Variants in CMPK1 observed in about 807,000 individuals in gnomAD.
CMPK1 encodes the protein cytidine/uridine monophosphate kinase 1, also known as UMP-CMP kinase.
CMPK1 carries 10 observed loss-of-function variants against 25.7 expected under a neutral mutation model. The observed-to-expected ratio is 0.39, with a 90% CI of 0.24 to 0.66. The LOEUF (loss-of-function observed/expected upper bound fraction) is 0.66, where lower values mean the gene tolerates loss of function less well. Among genes scored for constraint, CMPK1 ranks in the 30% least tolerant of loss-of-function variants. CMPK1 has a pLI of 0.48. For missense variants in CMPK1, 199 were observed against 280.5 expected, an observed-to-expected ratio of 0.71 and a Z score of 2.08; for synonymous variants, 106 against 101.5, an observed-to-expected ratio of 1.04 and a Z score of -0.27.
At chr1:47,343,625 G>T (rs1234434212) in intron 1 of CMPK1, among the ~76,000 whole-genome samples, 1 of 151,980 alleles carries the variant, frequency 6.6e-6, no homozygotes, top group Non-Finnish European at 1.5e-5. Context: ...GTCAGAAGAC[G>T]CAGATTGGCC....
intron 1 of CMPK1, among the ~76,000 whole-genome samples, chr1:47,349,787 T>G (rs1282024299): frequency 6.6e-6 from 1 of 152,172 alleles, no homozygotes; most frequent in Non-Finnish European, 1.5e-5. Flanking sequence ...AGACAGGGTC[T>G]TGTTCTGTTG....
At chr1:47,372,918 A>G in intron 2 of CMPK1, 37 bp from the exon 3 acceptor site, 9 of 1,552,864 alleles carry the variant, frequency 5.8e-6, no homozygotes, top group Non-Finnish European at 7.8e-6. Context: ...TCATTTTGTT[A>G]ATGTTGTATT....
At chr1:47,336,822 G>C (rs779469326) in intron 1 of CMPK1, among the ~76,000 whole-genome samples, 21 of 152,182 alleles carry the variant, frequency 1.4e-4, no homozygotes, top group Non-Finnish European at 2.9e-4. Context: ...CGCCATGCCT[G>C]GCCTGGTTAT....
chr1:47,350,944 T>A (rs1197115892), intron 1 of CMPK1, among the ~76,000 whole-genome samples: 1 of 151,386 alleles, frequency 6.6e-6, no homozygotes, highest in Non-Finnish European at 1.5e-5. Context: ...AAAATACAGA[T>A]CCCCCACCCT....
In CMPK1 at chr1:47,376,805, ATGACCCCTTTTT is replaced by A; in HGVS notation, c.*61_*72del. The A allele has an allele frequency of 1.1e-6, 1 of 944,908 alleles. No homozygotes were observed. The highest frequency in any genetic ancestry group is 1.7e-6 in the Non-Finnish European group (1 of 596,022). The allele number at this position is 944,908 out of a possible 1,614,324, so 58.5% of individuals were successfully genotyped here. On this transcript the variant is annotated 3_prime_UTR_variant, in exon 6 of 6. Coordinates refer to ENST00000371873, the MANE Select transcript of CMPK1 (RefSeq NM_016308.3). ...GAATATTGCTTTGATAGCTGCTATCATGACCCCTTTTTAAGGCAATTCTAATCTTTCATAACT... is the reference window on the plus strand; with the variant it reads ...GAATATTGCTTTGATAGCTGCTATCAAAGGCAATTCTAATCTTTCATAACT...
At chr1:47,369,625 G>T (rs4926840) in intron 2 of CMPK1, among the ~76,000 whole-genome samples, 102,390 of 151,136 alleles carry the variant, frequency 0.68, 35,180 homozygotes, top group East Asian at 0.95. Flanking sequence ...GTAGTGGCGC[G>T]ATCTCGGCTC....
intron 1 of CMPK1, among the ~76,000 whole-genome samples, chr1:47,364,319 T>C (rs1032606816): frequency 2.8e-4 from 43 of 151,626 alleles, no homozygotes; most frequent in African/African-American, 8.9e-4. Context: ...TTTGGTTTGG[T>C]TTTTTTGTTT....
chr1:47,370,256 T>C (rs1646669400), intron 2 of CMPK1, among the ~76,000 whole-genome samples: 1 of 151,794 alleles, frequency 6.6e-6, no homozygotes, highest in South Asian at 2.1e-4. Flanking sequence ...TCATCATTGA[T>C]GTTCGCTCAG....
intron 1 of CMPK1, among the ~76,000 whole-genome samples, chr1:47,357,241 A>G (rs7534328): frequency 0.27 from 40,673 of 152,036 alleles, 5,710 homozygotes; most frequent in Non-Finnish European, 0.31. Context: ...TGCTGAGATT[A>G]CAGGCGTGAG....
At chr1:47,352,528 T>TGG (rs113139935) in intron 1 of CMPK1, among the ~76,000 whole-genome samples, 4 of 151,086 alleles carry the variant, frequency 2.6e-5, no homozygotes, top group East Asian at 2.0e-4. Flanking sequence ...TGGGGAGGGA[T>TGG]AGGGGGTCAC....
chr1:47,361,288 C>T (rs1051423786), intron 1 of CMPK1, among the ~76,000 whole-genome samples: 1 of 152,180 alleles, frequency 6.6e-6, no homozygotes, highest in African/African-American at 2.4e-5. Flanking sequence ...ACTCTGGAGG[C>T]TGAGACAGGA....
Position 47,377,540 on chromosome 1 carries a change from A to G in CMPK1, c.*795A>G, listed in dbSNP as rs985227894. The G allele has an allele frequency of 6.6e-6, 1 of 152,398 alleles. No individual in the cohort carries two copies. The highest frequency in any genetic ancestry group is 1.5e-5 in the Non-Finnish European group (1 of 68,026). The allele number at this position is 152,398 out of a possible 1,614,324, so 9.4% of individuals were successfully genotyped here. On this transcript the variant is annotated 3_prime_UTR_variant, in exon 6 of 6. Coordinates refer to ENST00000371873, the MANE Select transcript of CMPK1 (RefSeq NM_016308.3). ...TCGTAGCAGTGGAACCTTGAAATGC[A>G]TGTGGCTAGATTTATGCTAAAATGA...
At chr1:47,339,131 C>T (rs554389000) in intron 1 of CMPK1, among the ~76,000 whole-genome samples, 2 of 151,654 alleles carry the variant, frequency 1.3e-5, no homozygotes, top group South Asian at 2.1e-4. Flanking sequence ...CTGCAACCTC[C>T]GCCTCCTGGG....
intron 1 of CMPK1, 79 bp downstream of exon 1, chr1:47,334,195 C>A: frequency 2.5e-6 from 3 of 1,196,826 alleles, no homozygotes; most frequent in Non-Finnish European, 3.2e-6. Flanking sequence ...CTAGTCCGCG[C>A]CCCGCGGAGT....
intron 1 of CMPK1, among the ~76,000 whole-genome samples, chr1:47,359,153 C>A (rs1246683382): frequency 6.6e-6 from 1 of 151,804 alleles, no homozygotes; most frequent in Non-Finnish European, 1.5e-5. Context: ...CCTGCCTGTA[C>A]TAAAAATACA....
At chr1:47,375,679 A>C (rs1473551669) in intron 5 of CMPK1, among the ~76,000 whole-genome samples, 2 of 152,246 alleles carry the variant, frequency 1.3e-5, no homozygotes, top group African/African-American at 2.4e-5. Flanking sequence ...GAGTTGGATC[A>C]CATGAATGGC....
rs2149336033 is a variant in CMPK1, at chr1:47,377,453, G to C, written c.*708G>C. 1 of 152,214 alleles carries C rather than the reference G, an allele frequency of 6.6e-6. No individual in the cohort carries two copies. The highest frequency in any genetic ancestry group is 2.4e-5 in the African/African-American group (1 of 41,522). 9.4% of individuals were successfully genotyped at this position (152,214 alleles called of 1,614,324 possible). A position where few individuals can be genotyped will look rare whatever the true frequency, so the allele number is the denominator to read the frequency against. On this transcript the variant is annotated 3_prime_UTR_variant, in exon 6 of 6. Transcript: ENST00000371873. Reference sequence around the variant, plus strand: ...GTATGGGGCAAGGATCACATCTAATGCTTGTGTTCCTTATACTCTATTATA... The same window carrying C: ...GTATGGGGCAAGGATCACATCTAATCCTTGTGTTCCTTATACTCTATTATA...
chr1:47,333,936 G>C lies in CMPK1; in HGVS notation c.-10G>C, dbSNP rs66904716. On this transcript the variant is annotated 5_prime_UTR_variant, in exon 1 of 6. Transcript: ENST00000371873. ...GTCAGCTCCCTCAGCGTCCGGCCGA[G>C]GCGCGGTGTATGCTGAGCCGCTGCC... 6.9e-3 allele frequency: 9,428 copies of C among 1,374,822 alleles called. 50 individuals are homozygous for C. Among genetic ancestry groups the C allele is most frequent in the East Asian group, 0.028 (897 of 32,504 alleles). The allele number at this position is 1,374,822 out of a possible 1,614,324, so 85.2% of individuals were successfully genotyped here. A position where few individuals can be genotyped will look rare whatever the true frequency, so the allele number is the denominator to read the frequency against.
chr1:47,374,225 T>A (rs1427958185), intron 3 of CMPK1, among the ~76,000 whole-genome samples: 3 of 152,142 alleles, frequency 2.0e-5, no homozygotes, highest in African/African-American at 7.2e-5. Context: ...CCTAGTTAAT[T>A]TTTGTATTTT....
Sources: allele counts gnomAD v4.1 joint callset (sites outside exome capture counted in the v4.1 genomes callset), GRCh38; gene constraint gnomAD v4.1.1; transcripts MANE v1.5; gene names NCBI Gene and HGNC (gene_info 2026-07-23, HGNC 2026-07-21).